Variants in ESR1 observed in about 807,000 individuals in gnomAD.
The protein encoded by ESR1 is estrogen receptor 1, also known as estrogen receptor.
In ESR1, 12 loss-of-function variants were observed where a neutral mutation model predicts 52.7. The ratio of observed to expected loss-of-function variants is 0.23; its 90% CI spans 0.15 to 0.37. The LOEUF is 0.37. Ranked by LOEUF, ESR1 falls within the 10% of genes least tolerant of loss-of-function variation. ESR1 has a pLI of 1.00. For synonymous variants in ESR1, 305 were observed against 316.8 expected (o/e 0.96, Z 0.39); for missense variants, 584 against 779.7 (o/e 0.75, Z 2.99).
At chr6:151,957,693 A>G (rs1226606986) in intron 4 of ESR1, among the ~76,000 whole-genome samples, 4 of 152,236 alleles carry the variant, frequency 2.6e-5, no homozygotes, top group Non-Finnish European at 5.9e-5. Context: ...TAAATGAATT[A>G]GGTACAAGAA....
At chr6:152,104,222 ATTGT>A (rs958920700), downstream of ESR1, among the ~76,000 whole-genome samples, 4 of 152,080 alleles carry the variant, frequency 2.6e-5, no homozygotes, top group African/African-American at 7.2e-5. Flanking sequence ...GGGTCTTCTC[ATTGT>A]TTGAGTCACA....
chr6:151,926,515 A>G (rs2032771152), intron 3 of ESR1, among the ~76,000 whole-genome samples: 1 of 152,108 alleles, frequency 6.6e-6, no homozygotes, highest in Admixed American at 6.6e-5. Flanking sequence ...TCATCATTTT[A>G]AGATCTTCTT....
chr6:151,693,520 CA>C (rs1315702338), intron 1 of ESR1, among the ~76,000 whole-genome samples: 19 of 152,186 alleles, frequency 1.2e-4, no homozygotes, highest in African/African-American at 4.1e-4. Flanking sequence ...ATGAGCGTGT[CA>C]AAAACGTGTT....
intron 1 of ESR1, among the ~76,000 whole-genome samples, chr6:151,658,290 C>G (rs909578862): frequency 6.6e-6 from 1 of 152,216 alleles, no homozygotes; most frequent in African/African-American, 2.4e-5. Context: ...TTCCGTATCT[C>G]TAAATATTTT....
chr6:151,719,943 G>T (rs1781340865), intron 2 of ESR1, among the ~76,000 whole-genome samples: 1 of 152,136 alleles, frequency 6.6e-6, no homozygotes, highest in African/African-American at 2.4e-5. Context: ...ATTTGACTTA[G>T]GATACTAGTC....
At chr6:151,849,382 A>G (rs1399772397) in intron 2 of ESR1, among the ~76,000 whole-genome samples, 1 of 152,298 alleles carries the variant, frequency 6.6e-6, no homozygotes, top group Middle Eastern at 3.4e-3. Context: ...GTGGTGGCTC[A>G]TGCCTATAAT....
At chr6:151,989,922 T>C (rs942313932) in intron 4 of ESR1, among the ~76,000 whole-genome samples, 3 of 152,120 alleles carry the variant, frequency 2.0e-5, no homozygotes, top group Admixed American at 2.0e-4. Context: ...CACTACATGC[T>C]TTCTGTCCTC....
chr6:151,705,685 A>G (rs1399229845), intron 2 of ESR1, among the ~76,000 whole-genome samples: 1 of 152,156 alleles, frequency 6.6e-6, no homozygotes, highest in African/African-American at 2.4e-5. Flanking sequence ...GATTTTTCCC[A>G]GTTTTGACTT....
At chr6:152,096,287 T>C (rs931463987) in intron 7 of ESR1, among the ~76,000 whole-genome samples, 2 of 152,192 alleles carry the variant, frequency 1.3e-5, no homozygotes, top group Non-Finnish European at 2.9e-5. Context: ...TCTTAGTGGC[T>C]ATGAGGGAAG....
intron 6 of ESR1, among the ~76,000 whole-genome samples, chr6:152,093,354 T>TCTCTCTC (rs1562779234): frequency 1.2e-5 from 1 of 84,326 alleles, no homozygotes; most frequent in African/African-American, 5.0e-5. Flanking sequence ...CTCTCTCTCT[T>TCTCTCTC]TCTCTCTCTC....
At chr6:151,665,791 T>C (rs1777801545) in intron 1 of ESR1, among the ~76,000 whole-genome samples, 2 of 152,236 alleles carry the variant, frequency 1.3e-5, no homozygotes, top group Non-Finnish European at 2.9e-5. Flanking sequence ...TTTTCAACTA[T>C]ATTTTCTCTT....
At chr6:151,823,661 C>CCA (rs1242849788) in intron 1 of ESR1, among the ~76,000 whole-genome samples, 1 of 151,948 alleles carries the variant, frequency 6.6e-6, no homozygotes, top group African/African-American at 2.4e-5. Flanking sequence ...GTGATGTTCC[C>CCA]CACCCTGTGT....
intron 3 of ESR1, 81 bp from the exon 4 acceptor site, chr6:151,944,092 T>C: frequency 8.4e-7 from 1 of 1,189,020 alleles, no homozygotes; most frequent in Non-Finnish European, 1.2e-6. Context: ...AAATGAAAGC[T>C]GGTTAGCTTT....
intron 2 of ESR1, among the ~76,000 whole-genome samples, chr6:151,791,965 G>A (rs1187786719): frequency 5.9e-5 from 9 of 152,198 alleles, no homozygotes; most frequent in Admixed American, 1.3e-4. Flanking sequence ...GGAAGGTGTT[G>A]TTAGGAGATT....
chr6:152,095,383 G>A lies in ESR1; in HGVS notation c.1553+815G>A, dbSNP rs192618061. Among the ~76,000 whole-genome samples the A allele has an allele frequency of 5.1e-4, 78 of 152,258 alleles. No homozygotes were observed. The East Asian group carries it at 0.015, about 29-fold the overall frequency. ...AGGTTCTTCTTCAGGCTGCAGATTG[G>A]CGGTCAGCCCTCCTGACCTCAGCTG... On this transcript the variant is annotated intron_variant, in intron 7 of 7. Coordinates refer to ENST00000206249, the MANE Select transcript of ESR1 (RefSeq NM_000125.4).
At chr6:152,080,295 A>G (rs1248594968) in intron 6 of ESR1, among the ~76,000 whole-genome samples, 1 of 141,786 alleles carries the variant, frequency 7.1e-6, no homozygotes. Flanking sequence ...GGGATCTCTC[A>G]GCAGAAACCC....
chr6:152,040,532 C>G (rs2045702338), intron 5 of ESR1, among the ~76,000 whole-genome samples: 1 of 152,228 alleles, frequency 6.6e-6, no homozygotes, highest in African/African-American at 2.4e-5. Context: ...AAGTCCCTGA[C>G]CATCCAGCCA....
chr6:152,088,436 C>A (rs1464520649), intron 6 of ESR1, among the ~76,000 whole-genome samples: 1 of 152,062 alleles, frequency 6.6e-6, no homozygotes, highest in Non-Finnish European at 1.5e-5. Context: ...AATGTTTGTC[C>A]CTTCCAAAAC....
chr6:151,723,046 G>A (rs780977258), intron 2 of ESR1, among the ~76,000 whole-genome samples: 2 of 152,160 alleles, frequency 1.3e-5, no homozygotes, highest in Non-Finnish European at 2.9e-5. Flanking sequence ...TTAGAGAGAT[G>A]CCCTTTAGAT....
Sources: gnomAD v4.1 joint callset for allele counts (sites outside exome capture counted in the v4.1 genomes callset) on GRCh38, gnomAD v4.1.1 for gene constraint, MANE v1.5 for transcripts, NCBI Gene and HGNC (gene_info 2026-07-23, HGNC 2026-07-21) for gene names.